GREB1L: variants seen among roughly 807,000 people sequenced by gnomAD.
GREB1L encodes GREB1-like protein.
Under a neutral mutation model 200.8 loss-of-function variants are expected in GREB1L, and 17 were observed. The observed-to-expected ratio is 0.08, with a 90% confidence interval of 0.06 to 0.13. The LOEUF is 0.13. Ranked by LOEUF, GREB1L falls within the 10% of genes least tolerant of loss-of-function variation. GREB1L has a pLI of 1.00. For missense variants in GREB1L, 1,657 were observed against 2,367.7 expected, an observed-to-expected ratio of 0.70 and a Z score of 6.23; for synonymous variants, 789 against 893.0, an observed-to-expected ratio of 0.88 and a Z score of 2.08.
intron 14 of GREB1L, 63 bp downstream of exon 14, chr18:21,452,280 G>A (rs1173924854): frequency 4.1e-6 from 6 of 1,479,756 alleles, no homozygotes; most frequent in Non-Finnish European, 5.5e-6. Flanking sequence ...TAAAAACTAA[G>A]TCATTCTAAG....
At chr18:21,259,232 A>G (rs1422840227) in intron 1 of GREB1L, among the ~76,000 whole-genome samples, 1 of 152,182 alleles carries the variant, frequency 6.6e-6, no homozygotes, top group Non-Finnish European at 1.5e-5. Flanking sequence ...TAATTATCAA[A>G]CTGTCTCTCA....
chr18:21,245,622 G>A (rs1395969739), intron 1 of GREB1L, among the ~76,000 whole-genome samples: 4 of 152,090 alleles, frequency 2.6e-5, no homozygotes, highest in Non-Finnish European at 4.4e-5. Flanking sequence ...AAAAGTTTAT[G>A]CAATGGATGT....
At chr18:21,468,754 C>T (rs1389652650) in intron 15 of GREB1L, 1 of 456,514 alleles carries the variant, frequency 2.2e-6, no homozygotes, top group Non-Finnish European at 4.4e-6. Flanking sequence ...ACATTGCATT[C>T]AGTTATGTCC....
intron 1 of GREB1L, among the ~76,000 whole-genome samples, chr18:21,318,351 C>T (rs368729081): frequency 1.3e-5 from 2 of 152,126 alleles, no homozygotes; most frequent in East Asian, 3.9e-4. Context: ...CAGATGAAAA[C>T]CCCTGGTATC....
intron 6 of GREB1L, among the ~76,000 whole-genome samples, chr18:21,402,866 G>A (rs1035665689): frequency 5.9e-5 from 9 of 151,660 alleles, no homozygotes; most frequent in East Asian, 1.9e-4. Context: ...GAAGCCTCAC[G>A]TTTATAATAG....
At chr18:21,461,124 A>C (rs987585444) in intron 15 of GREB1L, among the ~76,000 whole-genome samples, 4 of 151,650 alleles carry the variant, frequency 2.6e-5, no homozygotes, top group Non-Finnish European at 4.4e-5. Context: ...AAGAAAAAAA[A>C]CCAACAACTT....
At chr18:21,362,591 T>G (rs2039596250) in intron 1 of GREB1L, among the ~76,000 whole-genome samples, 1 of 152,208 alleles carries the variant, frequency 6.6e-6, no homozygotes, top group Non-Finnish European at 1.5e-5. Flanking sequence ...AATAATGTAT[T>G]TAGCTCCAAC....
At chr18:21,279,972 CTAT>C (rs1170182470) in intron 1 of GREB1L, among the ~76,000 whole-genome samples, 1 of 152,096 alleles carries the variant, frequency 6.6e-6, no homozygotes, top group Admixed American at 6.5e-5. Flanking sequence ...CCAGTTTCCT[CTAT>C]TATTAGTATT....
intron 4 of GREB1L, among the ~76,000 whole-genome samples, chr18:21,384,933 T>G (rs2040305445): frequency 6.6e-6 from 1 of 152,114 alleles, no homozygotes; most frequent in African/African-American, 2.4e-5. Context: ...GATTAAAATG[T>G]GTATATTTTG....
intron 23 of GREB1L, among the ~76,000 whole-genome samples, chr18:21,501,230 C>T (rs529552274): frequency 2.7e-5 from 4 of 150,418 alleles, no homozygotes; most frequent in Middle Eastern, 3.4e-3. Context: ...GGCAAAAAGG[C>T]GTTTTGGTTT....
chr18:21,267,564 T>G (rs537244510), intron 1 of GREB1L, among the ~76,000 whole-genome samples: 19 of 152,150 alleles, frequency 1.2e-4, no homozygotes, highest in Non-Finnish European at 2.4e-4. Flanking sequence ...AGGAACAATG[T>G]CTTCATTGTT....
At chr18:21,260,387 A>C (rs1677627385) in intron 1 of GREB1L, among the ~76,000 whole-genome samples, 1 of 152,012 alleles carries the variant, frequency 6.6e-6, no homozygotes, top group African/African-American at 2.4e-5. Flanking sequence ...GATACATATT[A>C]AGGAGGGAAA....
intron 18 of GREB1L, 132 bp from the exon 19 acceptor site, chr18:21,489,880 A>G (rs776963323): frequency 1.5e-6 from 1 of 661,252 alleles, no homozygotes; most frequent in Non-Finnish European, 2.6e-6. Flanking sequence ...AGGTCATTCT[A>G]GAACTAAAGC....
At chr18:21,249,381 C>G (rs976600833) in intron 1 of GREB1L, among the ~76,000 whole-genome samples, 2 of 152,186 alleles carry the variant, frequency 1.3e-5, no homozygotes, top group African/African-American at 4.8e-5. Context: ...CCCGAGCTTA[C>G]TGAATCAGAA....
intron 1 of GREB1L, among the ~76,000 whole-genome samples, chr18:21,250,297 A>T (rs1372548968): frequency 6.6e-6 from 1 of 152,178 alleles, no homozygotes; most frequent in East Asian, 1.9e-4. Flanking sequence ...AACATCCTGA[A>T]ATTCACTGTT....
intron 5 of GREB1L, among the ~76,000 whole-genome samples, chr18:21,396,976 A>G (rs1423972062): frequency 1.3e-5 from 2 of 152,222 alleles, no homozygotes; most frequent in Non-Finnish European, 2.9e-5. Flanking sequence ...AAAAGAATAG[A>G]GCAATGAATT....
intron 16 of GREB1L, 133 bp from the exon 17 acceptor site, chr18:21,477,031 A>T: frequency 1.8e-6 from 1 of 567,038 alleles, no homozygotes; most frequent in Non-Finnish European, 2.9e-6. Flanking sequence ...GTCAAATTTT[A>T]GTTGTTTCTT....
intron 1 of GREB1L, among the ~76,000 whole-genome samples, chr18:21,353,009 G>A (rs1284750373): frequency 3.9e-5 from 6 of 151,942 alleles, no homozygotes; most frequent in South Asian, 2.1e-4. Context: ...GTGAAACCCC[G>A]TCTCTACTGA....
intron 23 of GREB1L, among the ~76,000 whole-genome samples, chr18:21,502,339 T>G (rs1409055183): frequency 1.3e-5 from 2 of 151,746 alleles, no homozygotes; most frequent in Non-Finnish European, 2.9e-5. Flanking sequence ...GGCAGGGAAC[T>G]GTGGGGAGGA....
Sources: allele counts gnomAD v4.1 joint callset (sites outside exome capture counted in the v4.1 genomes callset), GRCh38; gene constraint gnomAD v4.1.1; transcripts MANE v1.5; gene names NCBI Gene and HGNC (gene_info 2026-07-23, HGNC 2026-07-21).